ENTREP2: variants seen among roughly 807,000 people sequenced by gnomAD.
The protein encoded by ENTREP2 is endosomal transmembrane epsin interactor 2.
the ENTREP2 span, among the ~76,000 whole-genome samples, chr15:29,621,914 T>C: frequency 2.0e-5 from 3 of 152,256 alleles, no homozygotes; most frequent in South Asian, 2.1e-4. Context: ...ATTCATACAA[T>C]GGAATAGTAT....
chr15:29,653,081 T>C, the ENTREP2 span, among the ~76,000 whole-genome samples: 1 of 152,118 alleles, frequency 6.6e-6, no homozygotes, highest in African/African-American at 2.4e-5. Context: ...GACAAAGAAA[T>C]TGATTTGGTT....
At chr15:29,213,813 C>T in the ENTREP2 span, among the ~76,000 whole-genome samples, 1 of 152,030 alleles carries the variant, frequency 6.6e-6, no homozygotes, top group African/African-American at 2.4e-5. Context: ...GGGCTAATAT[C>T]CAGAATCTAC....
At chr15:29,579,424 C>A in the ENTREP2 span, among the ~76,000 whole-genome samples, 3 of 152,048 alleles carry the variant, frequency 2.0e-5, no homozygotes, top group African/African-American at 7.2e-5. Flanking sequence ...TCAGTGGTAA[C>A]CTGGACCATT....
chr15:29,174,623 G>A, the ENTREP2 span, among the ~76,000 whole-genome samples: 1 of 151,924 alleles, frequency 6.6e-6, no homozygotes, highest in Non-Finnish European at 1.5e-5. Flanking sequence ...TGGGAGGCGG[G>A]GTCTTGCAGT....
the ENTREP2 span, among the ~76,000 whole-genome samples, chr15:29,204,956 C>T: frequency 6.6e-6 from 1 of 152,180 alleles, no homozygotes; most frequent in Non-Finnish European, 1.5e-5. Context: ...AACTGAAACT[C>T]TGTCACCACT....
At chr15:29,278,332 C>G in the ENTREP2 span, among the ~76,000 whole-genome samples, 1 of 152,212 alleles carries the variant, frequency 6.6e-6, no homozygotes, top group Non-Finnish European at 1.5e-5. Flanking sequence ...CTGGGAAAAG[C>G]AAGGACTGTG....
At chr15:29,448,550 A>G in the ENTREP2 span, among the ~76,000 whole-genome samples, 2 of 152,244 alleles carry the variant, frequency 1.3e-5, no homozygotes, top group African/African-American at 2.4e-5. Flanking sequence ...CTGAATGTTG[A>G]CACTAACCTA....
At chr15:29,300,370 G>A in the ENTREP2 span, among the ~76,000 whole-genome samples, 1 of 143,470 alleles carries the variant, frequency 7.0e-6, no homozygotes, top group African/African-American at 2.7e-5. Flanking sequence ...TAAATGCATG[G>A]ATGGATGGAT....
At chr15:29,466,680 A>G in the ENTREP2 span, among the ~76,000 whole-genome samples, 1 of 99,338 alleles carries the variant, frequency 1.0e-5, no homozygotes, top group African/African-American at 4.0e-5. Flanking sequence ...CCCCCAGGGG[A>G]GGGCCCGGGG....
the ENTREP2 span, among the ~76,000 whole-genome samples, chr15:29,430,673 A>G: frequency 6.6e-6 from 1 of 152,086 alleles, no homozygotes; most frequent in African/African-American, 2.4e-5. Flanking sequence ...CAAACAAACA[A>G]AAAGAATGCA....
chr15:29,243,248 T>C, the ENTREP2 span, among the ~76,000 whole-genome samples: 4 of 152,154 alleles, frequency 2.6e-5, no homozygotes, highest in Non-Finnish European at 5.9e-5. Flanking sequence ...AAACTATTCC[T>C]ATACAAAGTT....
At chr15:29,573,248 A>G in the ENTREP2 span, among the ~76,000 whole-genome samples, 1 of 152,180 alleles carries the variant, frequency 6.6e-6, no homozygotes. Context: ...TCGCTGTAAA[A>G]TTTCGTTTGC....
the ENTREP2 span, among the ~76,000 whole-genome samples, chr15:29,598,413 A>C: frequency 8.5e-3 from 1,291 of 152,350 alleles, 21 homozygotes; most frequent in African/African-American, 0.03. Context: ...AACTGGCTTA[A>C]CAGTAATAAT....
the ENTREP2 span, among the ~76,000 whole-genome samples, chr15:29,246,950 A>C: frequency 3.4e-5 from 5 of 148,288 alleles, no homozygotes; most frequent in Non-Finnish European, 5.9e-5. Flanking sequence ...AAACAAAAAT[A>C]TGTGCAGATG....
At chr15:29,144,219 C>T in the ENTREP2 span, among the ~76,000 whole-genome samples, 1 of 152,170 alleles carries the variant, frequency 6.6e-6, no homozygotes, top group Admixed American at 6.5e-5. Flanking sequence ...GGGAGTTTCA[C>T]ACACACATAC....
the ENTREP2 span, among the ~76,000 whole-genome samples, chr15:29,496,398 A>G: frequency 6.6e-6 from 1 of 151,734 alleles, no homozygotes; most frequent in Non-Finnish European, 1.5e-5. Flanking sequence ...AATAAAATAA[A>G]ATAAAATAAT....
the ENTREP2 span, among the ~76,000 whole-genome samples, chr15:29,441,377 C>T: frequency 5.3e-5 from 8 of 152,198 alleles, no homozygotes; most frequent in Non-Finnish European, 5.9e-5. Flanking sequence ...AGATGAAAAG[C>T]GTTCTGTGGA....
the ENTREP2 span, among the ~76,000 whole-genome samples, chr15:29,330,518 A>G: frequency 6.6e-6 from 1 of 152,170 alleles, no homozygotes; most frequent in Non-Finnish European, 1.5e-5. Flanking sequence ...TAATCATGAG[A>G]AAAACATCAG....
At chr15:29,309,205 C>T in the ENTREP2 span, among the ~76,000 whole-genome samples, 4 of 152,180 alleles carry the variant, frequency 2.6e-5, no homozygotes, top group African/African-American at 9.7e-5. Flanking sequence ...CAAAAATATA[C>T]TCAGAAAGAA....
Sources: gnomAD v4.1 joint callset for allele counts (sites outside exome capture counted in the v4.1 genomes callset) on GRCh38, gnomAD v4.1.1 for gene constraint, MANE v1.5 for transcripts, NCBI Gene and HGNC (gene_info 2026-07-23, HGNC 2026-07-21) for gene names.